The following SBF2 variants were observed in gnomAD, a reference collection of about 807,000 sequenced individuals.
SBF2 encodes the protein myotubularin-related protein 13.
Under a neutral mutation model 225.2 loss-of-function variants are expected in SBF2, and 112 were observed. The observed-to-expected ratio is 0.50, with a 90% confidence interval of 0.43 to 0.58. The LOEUF (loss-of-function observed/expected upper bound fraction) is 0.58, where lower values mean the gene tolerates loss of function less well. SBF2 is among the 20% of genes least tolerant of loss of function. The pLI is 0.00. For synonymous variants in SBF2, 763 were observed against 773.3 expected (o/e 0.99, Z 0.22); for missense variants, 1,996 against 2,206.2 (o/e 0.90, Z 1.91).
At chr11:10,179,775 T>A (rs1345125678) in intron 2 of SBF2, among the ~76,000 whole-genome samples, 1 of 152,216 alleles carries the variant, frequency 6.6e-6, no homozygotes, top group Non-Finnish European at 1.5e-5. Context: ...CTTCTCTTCC[T>A]TGTTTCCTTC....
intron 2 of SBF2, among the ~76,000 whole-genome samples, chr11:10,077,856 C>A (rs1260116808): frequency 6.6e-6 from 1 of 152,186 alleles, no homozygotes; most frequent in Admixed American, 6.5e-5. Context: ...AGGCAACCTA[C>A]AGGATAGGAG....
intron 1 of SBF2, among the ~76,000 whole-genome samples, chr11:10,196,866 A>ATATATATATTTTTTT: frequency 1.0e-5 from 1 of 99,314 alleles, no homozygotes; most frequent in African/African-American, 4.0e-5. Context: ...ATATATATAT[A>ATATATATATTTTTTT]TTTTTTTTTT....
At chr11:10,000,634 T>G (rs1275347258) in intron 8 of SBF2, among the ~76,000 whole-genome samples, 1 of 152,178 alleles carries the variant, frequency 6.6e-6, no homozygotes, top group Non-Finnish European at 1.5e-5. Flanking sequence ...TAAATAGAAT[T>G]TTATCTTTTG....
rs58140393 is a variant in SBF2 at position 9,880,084 on chromosome 11, TAAAAAAAAAA to T, written c.1929+15849_1929+15858del. 3.7e-4 allele frequency among the ~76,000 whole-genome samples: 19 copies of T among 52,004 alleles called. No individual in the cohort carries two copies. In the South Asian group the frequency reaches 6.8e-3, roughly 19 times the overall value. 34.1% of individuals were successfully genotyped at this position (52,004 alleles called of 152,430 possible). On this transcript the variant is annotated intron_variant, in intron 17 of 39. Coordinates refer to ENST00000256190, the MANE Select transcript of SBF2 (RefSeq NM_030962.4). ...GGACAATGAGTGAGACTCTGTCTCA[TAAAAAAAAAA>T]AAAAAAAAAAAAAAAAAGATCTCAG...
chr11:9,828,568 G>C (rs1300207367), intron 28 of SBF2: 43 of 985,216 alleles, frequency 4.4e-5, no homozygotes, highest in Non-Finnish European at 4.9e-5. Context: ...CAAGTCACAT[G>C]CTCCTGTGTC....
intron 1 of SBF2, among the ~76,000 whole-genome samples, chr11:10,266,654 T>C (rs1213220379): frequency 1.3e-5 from 2 of 152,242 alleles, no homozygotes; most frequent in Non-Finnish European, 2.9e-5. Context: ...TACACTTGAT[T>C]AGTTATTTCC....
upstream of SBF2, among the ~76,000 whole-genome samples, chr11:10,294,896 C>T (rs1964438707): frequency 6.6e-6 from 1 of 152,244 alleles, no homozygotes; most frequent in Non-Finnish European, 1.5e-5. Flanking sequence ...GCTTCCCTCG[C>T]AGCGGTCCCA....
chr11:10,247,060 A>T (rs1345108440), intron 1 of SBF2, among the ~76,000 whole-genome samples: 1 of 152,202 alleles, frequency 6.6e-6, no homozygotes. Flanking sequence ...GTGCTAGGTG[A>T]CATAAATAAG....
chr11:10,150,241 C>T (rs568497912), intron 2 of SBF2, among the ~76,000 whole-genome samples: 1 of 152,130 alleles, frequency 6.6e-6, no homozygotes, highest in Non-Finnish European at 1.5e-5. Flanking sequence ...TTTAGTTACT[C>T]TAGTATATAA....
At chr11:9,808,809 A>T in intron 31 of SBF2, 92 bp downstream of exon 31, 1 of 924,620 alleles carries the variant, frequency 1.1e-6, no homozygotes, top group Non-Finnish European at 1.7e-6. Flanking sequence ...TAAACACATT[A>T]GTCATTATAC....
chr11:10,196,835 TAA>T (rs201869850), intron 1 of SBF2, among the ~76,000 whole-genome samples: 9,306 of 89,170 alleles, frequency 0.1, 560 homozygotes, highest in East Asian at 0.3. Context: ...GTTTCTTGCA[TAA>T]ATATATATAT....
At chr11:10,177,436 G>A (rs1235954778) in intron 2 of SBF2, among the ~76,000 whole-genome samples, 7 of 150,152 alleles carry the variant, frequency 4.7e-5, no homozygotes, top group Non-Finnish European at 8.9e-5. Context: ...TGTATATCTA[G>A]AAAACCCCAT....
intron 16 of SBF2, among the ~76,000 whole-genome samples, chr11:9,916,149 G>C (rs1564997472): frequency 2.0e-5 from 3 of 151,986 alleles, no homozygotes; most frequent in African/African-American, 7.2e-5. Flanking sequence ...TATAATACTA[G>C]CAAAGATAAA....
chr11:10,215,715 T>A (rs1031785420), intron 1 of SBF2, among the ~76,000 whole-genome samples: 1 of 152,244 alleles, frequency 6.6e-6, no homozygotes, highest in African/African-American at 2.4e-5. Context: ...ATTTCTTGCA[T>A]AGACTACTGC....
intron 2 of SBF2, among the ~76,000 whole-genome samples, chr11:10,179,418 A>G (rs1406628197): frequency 6.7e-6 from 1 of 149,530 alleles, no homozygotes; most frequent in African/African-American, 2.5e-5. Flanking sequence ...CAAACAAACA[A>G]AAAAAACTTA....
intron 1 of SBF2, among the ~76,000 whole-genome samples, chr11:10,223,682 C>T (rs1013139350): frequency 1.3e-5 from 2 of 151,830 alleles, no homozygotes; most frequent in Non-Finnish European, 2.9e-5. Flanking sequence ...TTCTCAGGAA[C>T]ACTTCCAGCA....
intron 16 of SBF2, 101 bp from the exon 17 acceptor site, chr11:9,896,112 GT>G: frequency 1.0e-6 from 1 of 957,990 alleles, no homozygotes; most frequent in Non-Finnish European, 1.7e-6. Flanking sequence ...GTCCTATGGG[GT>G]TTTTACCTTT....
chr11:9,856,638 C>G lies in SBF2; in HGVS notation c.2183G>C (p.Ser728Thr), dbSNP rs751653396. Residue 728 changes from serine (S) to threonine (T), a missense_variant, in exon 19 of 40, where the codon AGC becomes ACC. Transcript: ENST00000256190. Reference protein sequence around the residue: ...AEQLRLWPTLSKSTQQELVQH... With the variant: ...AEQLRLWPTLTKSTQQELVQH... ...CACTAGCTCTTGCTGAGTTGACTTG[C>G]TCAGGGTAGGCCAAAGGCGTAGTTG... 22 of 1,614,078 alleles carry G rather than the reference C, an allele frequency of 1.4e-5. No individual in the cohort carries two copies. Among genetic ancestry groups the G allele is most frequent in the Non-Finnish European group, 1.4e-5 (17 of 1,180,046 alleles).
intron 1 of SBF2, among the ~76,000 whole-genome samples, chr11:10,280,934 T>G (rs533783956): frequency 6.6e-6 from 1 of 152,308 alleles, no homozygotes; most frequent in African/African-American, 2.4e-5. Flanking sequence ...CCCTAAAGTT[T>G]TATGAAATGC....
Sources: allele counts gnomAD v4.1 joint callset (sites outside exome capture counted in the v4.1 genomes callset), GRCh38; gene constraint gnomAD v4.1.1; transcripts MANE v1.5; gene names NCBI Gene and HGNC (gene_info 2026-07-23, HGNC 2026-07-21).